NFIB: variants seen among roughly 807,000 people sequenced by gnomAD.
NFIB encodes the protein nuclear factor 1 B-type.
Under a neutral mutation model 61.5 loss-of-function variants are expected in NFIB, and 11 were observed. The observed-to-expected ratio is 0.18, with a 90% CI of 0.11 to 0.30. The LOEUF (loss-of-function observed/expected upper bound fraction) is 0.30. Ranked by LOEUF, NFIB falls within the 10% of genes least tolerant of loss-of-function variation. The probability of loss-of-function intolerance (pLI) is 1.00; values close to 1 mark genes in which losing one functional copy is unlikely to be tolerated. For synonymous variants in NFIB, 260 were observed against 216.5 expected, an observed-to-expected ratio of 1.20 and a Z score of -1.76; for missense variants, 471 against 608.9, an observed-to-expected ratio of 0.77 and a Z score of 2.38.
chr9:14,529,858 C>T, the NFIB span, among the ~76,000 whole-genome samples: 2 of 152,118 alleles, frequency 1.3e-5, no homozygotes, highest in African/African-American at 2.4e-5. Flanking sequence ...TGTACACACT[C>T]GGCATCTTCT....
rs952557602 is a variant in NFIB, at chr9:14,083,864, TTA to T, written c.*4443_*4444del. 14 of 225,154 alleles carry T rather than the reference TTA, an allele frequency of 6.2e-5. No homozygotes were observed. Among genetic ancestry groups the T allele is most frequent in the African/African-American group, 2.9e-4 (13 of 44,814 alleles). 13.9% of individuals were successfully genotyped at this position (225,154 alleles called of 1,614,324 possible). On this transcript the variant is annotated 3_prime_UTR_variant, in exon 11 of 11. Transcript: ENST00000380953. ...ACGTTATGTGAGACATAGCACTGTT[TTA>T]GTTTTCTGCCTATCCTGAATGCTCT...
intron 2 of NFIB, among the ~76,000 whole-genome samples, chr9:14,275,064 TC>T (rs2057902002): frequency 6.6e-6 from 1 of 152,134 alleles, no homozygotes; most frequent in Non-Finnish European, 1.5e-5. Flanking sequence ...TATGATAAAA[TC>T]CAGTGGGCGA....
At chr9:14,386,030 A>AC (rs895069498) in intron 1 of NFIB, among the ~76,000 whole-genome samples, 3 of 152,026 alleles carry the variant, frequency 2.0e-5, no homozygotes, top group Admixed American at 6.6e-5. Context: ...TGATCTACCC[A>AC]CCTTGGCCTC....
chr9:14,488,036 G>A, the NFIB span, among the ~76,000 whole-genome samples: 1 of 152,132 alleles, frequency 6.6e-6, no homozygotes, highest in Non-Finnish European at 1.5e-5. Flanking sequence ...GAAAGGAGCA[G>A]CAGGTTCAGG....
rs1337286168 is a variant in NFIB, at chr9:14,087,892, AAGTC to A, written c.*413_*416del. On this transcript the variant is annotated 3_prime_UTR_variant, in exon 11 of 11. Coordinates refer to ENST00000380953, the MANE Select transcript of NFIB (RefSeq NM_001190737.2). ...TCATGCAAATATTAAGGCATCTAGA[AAGTC>A]AGTTAAAATATATTGTCATAGAGAC... is the stretch of plus-strand genomic sequence containing the variant. 2.2e-5 allele frequency: 5 copies of A among 231,074 alleles called. No homozygotes were observed. Among genetic ancestry groups the A allele is most frequent in the Admixed American group, 1.7e-4 (3 of 17,760 alleles). 14.3% of individuals were successfully genotyped at this position (231,074 alleles called of 1,614,324 possible).
chr9:14,182,708 CTGTGTG>C (rs59897559), intron 2 of NFIB, among the ~76,000 whole-genome samples: 1,062 of 96,846 alleles, frequency 0.011, 25 homozygotes, highest in East Asian at 0.041. Flanking sequence ...CTCTCTCTCT[CTGTGTG>C]TGTGTGTGTG....
chr9:14,389,097 A>G (rs2061589925), intron 1 of NFIB, among the ~76,000 whole-genome samples: 1 of 152,190 alleles, frequency 6.6e-6, no homozygotes, highest in South Asian at 2.1e-4. Flanking sequence ...GGTTTCTTTC[A>G]AACAACATTT....
intron 1 of NFIB, among the ~76,000 whole-genome samples, chr9:14,358,361 G>A (rs1053605539): frequency 2.0e-5 from 3 of 152,018 alleles, no homozygotes; most frequent in African/African-American, 7.2e-5. Context: ...ATCACTTTGG[G>A]ATAAATGTGT....
At chr9:14,452,361 G>A in the NFIB span, among the ~76,000 whole-genome samples, 98 of 151,216 alleles carry the variant, frequency 6.5e-4, 1 homozygote, top group African/African-American at 1.8e-3. Flanking sequence ...TAGGAAGGAG[G>A]GAGGGTTGGA....
intron 1 of NFIB, among the ~76,000 whole-genome samples, chr9:14,360,237 A>G (rs981100729): frequency 9.2e-5 from 14 of 152,234 alleles, no homozygotes; most frequent in African/African-American, 3.4e-4. Flanking sequence ...AAAGCATTCG[A>G]TTCAGGACAG....
the NFIB span, among the ~76,000 whole-genome samples, chr9:14,487,839 C>A: frequency 1.3e-5 from 2 of 152,136 alleles, no homozygotes; most frequent in African/African-American, 4.8e-5. Flanking sequence ...TATGTCAGTA[C>A]ATGCTCCAGA....
At chr9:14,127,789 GC>G (rs2039864104) in intron 6 of NFIB, among the ~76,000 whole-genome samples, 1 of 152,170 alleles carries the variant, frequency 6.6e-6, no homozygotes, top group Admixed American at 6.5e-5. Context: ...GGATGAATAT[GC>G]TACTGTAAAG....
the NFIB span, among the ~76,000 whole-genome samples, chr9:14,482,522 T>G: frequency 6.6e-6 from 1 of 152,212 alleles, no homozygotes; most frequent in East Asian, 1.9e-4. Context: ...AGTTCTCTTT[T>G]GATCACATAG....
At chr9:14,429,683 C>T in the NFIB span, among the ~76,000 whole-genome samples, 1 of 152,190 alleles carries the variant, frequency 6.6e-6, no homozygotes, top group African/African-American at 2.4e-5. Context: ...CGCAAAGCCA[C>T]CACCAGCTGA....
At chr9:14,122,091 TAAAG>T (rs2039016194) in intron 7 of NFIB, among the ~76,000 whole-genome samples, 2 of 123,318 alleles carry the variant, frequency 1.6e-5, no homozygotes, top group Non-Finnish European at 1.6e-5. Context: ...TGAGACAACT[TAAAG>T]AATATGAAAA....
chr9:14,172,081 G>A (rs144552130), intron 3 of NFIB, among the ~76,000 whole-genome samples: 27 of 152,194 alleles, frequency 1.8e-4, no homozygotes, highest in Non-Finnish European at 2.4e-4. Flanking sequence ...TCAGGAATAT[G>A]GAAGCAAGAA....
chr9:14,116,081 C>T, intron 9 of NFIB, 127 bp downstream of exon 9: 2 of 1,149,396 alleles, frequency 1.7e-6, no homozygotes, highest in Non-Finnish European at 2.3e-6. Flanking sequence ...AAATCTCCAT[C>T]TGGTCAGGTA....
intron 1 of NFIB, among the ~76,000 whole-genome samples, chr9:14,343,236 T>C (rs1393960761): frequency 1.3e-5 from 2 of 152,224 alleles, no homozygotes; most frequent in Non-Finnish European, 2.9e-5. Flanking sequence ...TCGTTTCAAG[T>C]AACCATGCTA....
intron 2 of NFIB, among the ~76,000 whole-genome samples, chr9:14,227,090 G>A (rs1046900620): frequency 2.0e-5 from 3 of 146,352 alleles, no homozygotes; most frequent in African/African-American, 5.1e-5. Context: ...GCAGTGAGCC[G>A]AGATCACGCC....
Sources: gnomAD v4.1 joint callset for allele counts (sites outside exome capture counted in the v4.1 genomes callset) on GRCh38, gnomAD v4.1.1 for gene constraint, MANE v1.5 for transcripts, NCBI Gene and HGNC (gene_info 2026-07-23, HGNC 2026-07-21) for gene names.